Variants in KDELR2 observed in about 807,000 individuals in gnomAD.
KDELR2 encodes the protein KDEL endoplasmic reticulum protein retention receptor 2.
In KDELR2, 15 loss-of-function variants were observed where a neutral mutation model predicts 23.9. That is an observed-to-expected ratio of 0.63 (90% confidence interval 0.42 to 0.97). KDELR2 has a LOEUF of 0.97. KDELR2 is among the 50% of genes least tolerant of loss of function. KDELR2 has a pLI of 0.00. For missense variants in KDELR2, 272 were observed against 254.6 expected (o/e 1.07, Z -0.46); for synonymous variants, 119 against 106.2 (o/e 1.12, Z -0.74).
chr7:6,463,988 G>A (rs1182416063), intron 4 of KDELR2, among the ~76,000 whole-genome samples: 3 of 123,036 alleles, frequency 2.4e-5, no homozygotes, highest in African/African-American at 8.1e-5. Flanking sequence ...CCTGAGGTCG[G>A]GAGTTCGAGA....
intron 2 of KDELR2, chr7:6,470,526 G>A (rs1785608493): frequency 6.6e-6 from 1 of 152,160 alleles, no homozygotes; most frequent in Non-Finnish European, 1.5e-5. Context: ...CTGAAATGAA[G>A]TAAGTGGGTT....
At chr7:6,472,891 CCT>C (rs1562500800) in intron 2 of KDELR2, among the ~76,000 whole-genome samples, 1 of 142,346 alleles carries the variant, frequency 7.0e-6, no homozygotes, top group Admixed American at 7.5e-5. Context: ...CCTGAGAGCC[CCT>C]GTTCTTTTTT....
intron 1 of KDELR2, among the ~76,000 whole-genome samples, chr7:6,482,886 T>G (rs1225529333): frequency 7.2e-6 from 1 of 139,748 alleles, no homozygotes; most frequent in African/African-American, 2.6e-5. Flanking sequence ...ACGCATGGAG[T>G]CCCAGCTATT....
intron 2 of KDELR2, among the ~76,000 whole-genome samples, chr7:6,470,833 G>A (rs1347519945): frequency 6.6e-6 from 1 of 152,078 alleles, no homozygotes; most frequent in Admixed American, 6.6e-5. Context: ...AGCTCATGTT[G>A]GCTGGGCATG....
intron 4 of KDELR2, among the ~76,000 whole-genome samples, chr7:6,463,856 T>C (rs1022046456): frequency 1.3e-5 from 2 of 148,610 alleles, no homozygotes. Context: ...AGGTCAGGAG[T>C]TCAAGACCAG....
intron 1 of KDELR2, 108 bp from the exon 2 acceptor site, chr7:6,474,392 A>G: frequency 1.4e-6 from 1 of 734,254 alleles, no homozygotes. Flanking sequence ...CGTGGGGTCA[A>G]GGCCCAGGTC....
At chr7:6,483,680 CT>C (rs1424122330) in intron 1 of KDELR2, among the ~76,000 whole-genome samples, 1 of 152,238 alleles carries the variant, frequency 6.6e-6, no homozygotes, top group Non-Finnish European at 1.5e-5. Context: ...CCCACGCCAA[CT>C]TTTCAGACAC....
At chr7:6,468,362 C>T (rs1785546733) in intron 3 of KDELR2, among the ~76,000 whole-genome samples, 1 of 152,194 alleles carries the variant, frequency 6.6e-6, no homozygotes, top group Non-Finnish European at 1.5e-5. Flanking sequence ...TGGAGTCTTG[C>T]TCTGTCGCTA....
At position 6,469,667 on chromosome 7, in the gene KDELR2, G is replaced by A. The variant is rs1270201234; in HGVS notation, c.280C>T (p.Arg94Ter). 1.9e-6 allele frequency: 3 copies of A among 1,613,918 alleles called. No homozygotes were observed. The highest frequency in any genetic ancestry group is 1.3e-5 in the African/African-American group (1 of 74,890). Residue 94 changes from arginine (R) to a stop codon, truncating the protein, a stop_gained, in exon 3 of 5, where the codon CGA becomes TGA. Transcript: ENST00000258739. LOFTEE classifies it high-confidence loss of function. The part of the protein sequence containing the change: ...ATYDGNHDTF[R>*]VEFLVVPVGG... ...ACAGGGACCACCAGAAACTCCACTC[G>A]GAAGGTATCATGATTTCCATCGTAG...
chr7:6,466,076 G>T lies in KDELR2; in HGVS notation c.599C>A (p.Thr200Lys), dbSNP rs769181600. ...LYCDFFYLYI[T>K]KVLKGKKLSL... ...GCAGGTCGCACCCAACATACCTTTT[G>T]TAATGTACAAGTAGAAGAAGTCACA... The change falls in exon 4 of 5, where the codon ACA becomes AAA. Residue 200 changes from threonine (T) to lysine (K), a missense_variant. Physicochemically the swap from Thr to Lys is moderately conservative, Grantham distance 78 (BLOSUM62 -1). Transcript: ENST00000258739. 2.5e-6 allele frequency: 4 copies of T among 1,613,872 alleles called. No homozygotes were observed. The African/African-American group carries it at 5.3e-5, about 22-fold the overall frequency.
chr7:6,483,211 C>A (rs1433020638), intron 1 of KDELR2, among the ~76,000 whole-genome samples: 1 of 152,126 alleles, frequency 6.6e-6, no homozygotes, highest in African/African-American at 2.4e-5. Context: ...GAGGCCTCGG[C>A]GGTCCCCGGG....
chr7:6,483,311 C>G (rs936982147), intron 1 of KDELR2, among the ~76,000 whole-genome samples: 2 of 152,244 alleles, frequency 1.3e-5, no homozygotes, highest in African/African-American at 4.8e-5. Flanking sequence ...CCAAGAAAAT[C>G]ACTGACGACC....
rs575618254 is a variant in KDELR2, at chr7:6,466,284, T to C, written c.391A>G (p.Ile131Val). 3 of 1,613,936 alleles carry C rather than the reference T, an allele frequency of 1.9e-6. No individual in the cohort carries two copies. Among genetic ancestry groups the C allele is most frequent in the African/African-American group, 1.3e-5 (1 of 74,986 alleles). ...CTGATCATAAATAGCTGCGGAAGGA[T>C]AGCCACGGACTCCAGGTAGATGGAG... Reference protein sequence around the residue: ...TFSIYLESVAILPQLFMISKT... With the variant: ...TFSIYLESVAVLPQLFMISKT... Residue 131 changes from isoleucine to valine, a missense_variant, in exon 4 of 5, where the codon ATC becomes GTC. Physicochemically the swap from Ile to Val is conservative, Grantham distance 29 (BLOSUM62 3). Coordinates refer to ENST00000258739, the MANE Select transcript of KDELR2 (RefSeq NM_006854.4).
At chr7:6,467,754 G>A (rs1049294074) in intron 3 of KDELR2, among the ~76,000 whole-genome samples, 2 of 151,970 alleles carry the variant, frequency 1.3e-5, no homozygotes, top group African/African-American at 4.8e-5. Flanking sequence ...GCGAGACTCT[G>A]TCTCAAAAAA....
rs1785980710 is a variant in KDELR2, at chr7:6,484,098, C to CGG, written c.-43_-42dup. 1 of 1,337,312 alleles carries CGG rather than the reference C, an allele frequency of 7.5e-7. No individual in the cohort carries two copies. The highest frequency in any genetic ancestry group is 1.5e-5 in the African/African-American group (1 of 64,756). 82.8% of individuals were successfully genotyped at this position (1,337,312 alleles called of 1,614,324 possible). ...GGCGGTCGGCGCAGCGCGGCGGCCCCGGGGCTGGGCGGCTCAGGAGGCGGC... is the reference window on the plus strand; with the variant it reads ...GGCGGTCGGCGCAGCGCGGCGGCCCCGGGGGGCTGGGCGGCTCAGGAGGCGGC... On this transcript the variant is annotated 5_prime_UTR_variant, in exon 1 of 5. Transcript: ENST00000258739.
intron 1 of KDELR2, among the ~76,000 whole-genome samples, chr7:6,483,123 G>A (rs79216842): frequency 6.6e-6 from 1 of 152,318 alleles, no homozygotes; most frequent in East Asian, 1.9e-4. Context: ...AGCAGTGCCT[G>A]CATGAAATCT....
rs1316899661 is a variant in KDELR2, at chr7:6,471,174, CG to C, written c.193-1421del. ...ATAAATGTATAGCTCACATTTGTTT[CG>C]GTTTTTTTTTTTTTTTTTTTTTTTG... On this transcript the variant is annotated intron_variant, in intron 2 of 4. Transcript: ENST00000258739. Among the ~76,000 whole-genome samples the C allele has an allele frequency of 3.0e-4, 36 of 119,168 alleles. 2 individuals carry two copies. Among genetic ancestry groups the C allele is most frequent in the African/African-American group, 1.0e-3 (34 of 33,312 alleles). 78.2% of individuals were successfully genotyped at this position (119,168 alleles called of 152,430 possible). A position where few individuals can be genotyped will look rare whatever the true frequency, so the allele number is the denominator to read the frequency against.
At position 6,484,073 on chromosome 7, in the gene KDELR2, G is replaced by A. The variant is rs369007265; in HGVS notation, c.-16C>T. On this transcript the variant is annotated 5_prime_UTR_variant, in exon 1 of 5. Transcript: ENST00000258739. ...AAATGTTCATGGCGGCGGCGGCGGT[G>A]GCGGTCGGCGCAGCGCGGCGGCCCC... The A allele has an allele frequency of 4.8e-6, 7 of 1,473,664 alleles. No homozygotes were observed. The highest frequency in any genetic ancestry group is 1.3e-5 in the South Asian group (1 of 77,650). The allele number at this position is 1,473,664 out of a possible 1,614,324, so 91.3% of individuals were successfully genotyped here.
At chr7:6,474,160 A>C (rs1785707909) in intron 2 of KDELR2, 24 bp downstream of exon 2, 3 of 1,412,538 alleles carry the variant, frequency 2.1e-6, no homozygotes, top group Non-Finnish European at 3.0e-6. Flanking sequence ...GATGAAATAC[A>C]TTCCTGTGGA....
Sources: gnomAD v4.1 joint callset for allele counts (sites outside exome capture counted in the v4.1 genomes callset) on GRCh38, gnomAD v4.1.1 for gene constraint, MANE v1.5 for transcripts, NCBI Gene and HGNC (gene_info 2026-07-23, HGNC 2026-07-21) for gene names.